The following LHFPL3 variants were observed in gnomAD, a reference collection of about 807,000 sequenced individuals.
LHFPL3 encodes LHFPL tetraspan subfamily member 3 protein.
LHFPL3 carries 5 observed loss-of-function variants against 19.3 expected under a neutral mutation model. That is an observed-to-expected ratio of 0.26 (90% confidence interval 0.14 to 0.54). The LOEUF (loss-of-function observed/expected upper bound fraction) is 0.54. Ranked by LOEUF, LHFPL3 falls within the 20% of genes least tolerant of loss-of-function variation. LHFPL3 has a pLI of 0.94. For missense variants in LHFPL3, 249 were observed against 307.4 expected, an observed-to-expected ratio of 0.81 and a Z score of 1.42; for synonymous variants, 133 against 126.2, an observed-to-expected ratio of 1.05 and a Z score of -0.36.
chr7:104,479,508 C>T (rs1303589817), intron 1 of LHFPL3, among the ~76,000 whole-genome samples: 1 of 152,092 alleles, frequency 6.6e-6, no homozygotes, highest in African/African-American at 2.4e-5. Context: ...TCTCCTGCCT[C>T]AGCCTCCTGA....
chr7:104,340,088 C>G (rs1789916385), intron 1 of LHFPL3, among the ~76,000 whole-genome samples: 1 of 152,126 alleles, frequency 6.6e-6, no homozygotes, highest in African/African-American at 2.4e-5. Context: ...TGCATCTTGA[C>G]CTGTCATCTT....
At chr7:104,484,314 C>G (rs777727927) in intron 1 of LHFPL3, among the ~76,000 whole-genome samples, 1 of 146,146 alleles carries the variant, frequency 6.8e-6, no homozygotes, top group African/African-American at 2.6e-5. Flanking sequence ...AAAGCACACT[C>G]CCTGCTACAC....
chr7:104,737,971 C>T (rs1793860775), intron 2 of LHFPL3, among the ~76,000 whole-genome samples: 1 of 151,804 alleles, frequency 6.6e-6, no homozygotes, highest in Non-Finnish European at 1.5e-5. Flanking sequence ...ATATCTAGAC[C>T]ATCACTGTTT....
chr7:104,522,377 G>A (rs1012122146), intron 1 of LHFPL3, among the ~76,000 whole-genome samples: 1 of 113,240 alleles, frequency 8.8e-6, no homozygotes, highest in Non-Finnish European at 1.8e-5. Flanking sequence ...TCACACTCTG[G>A]GGACTGTTGT....
chr7:104,789,772 AT>A (rs1789986754), intron 2 of LHFPL3, among the ~76,000 whole-genome samples: 1 of 152,172 alleles, frequency 6.6e-6, no homozygotes, highest in African/African-American at 2.4e-5. Flanking sequence ...CATTAATATT[AT>A]CAGCCCTGAG....
At chr7:104,680,767 A>AAAAC (rs1050035375) in intron 1 of LHFPL3, among the ~76,000 whole-genome samples, 5 of 152,306 alleles carry the variant, frequency 3.3e-5, no homozygotes, top group East Asian at 1.9e-4. Flanking sequence ...GAACCAGGAC[A>AAAAC]AAACAAACAA....
intron 1 of LHFPL3, among the ~76,000 whole-genome samples, chr7:104,386,534 G>A (rs144816453): frequency 5.8e-4 from 89 of 152,326 alleles, no homozygotes; most frequent in Admixed American, 1.6e-3. Flanking sequence ...AGTCACGTGT[G>A]TATTCAAGGC....
intron 1 of LHFPL3, among the ~76,000 whole-genome samples, chr7:104,416,588 C>T (rs369404897): frequency 7.9e-4 from 121 of 152,286 alleles, no homozygotes; most frequent in Middle Eastern, 3.4e-3. Context: ...GGGGGTCTGG[C>T]GTTTTCTGTT....
intron 1 of LHFPL3, among the ~76,000 whole-genome samples, chr7:104,706,533 C>A (rs1793193256): frequency 6.6e-6 from 1 of 152,210 alleles, no homozygotes; most frequent in South Asian, 2.1e-4. Flanking sequence ...TTACTCTAGG[C>A]TGAGGCAGAG....
intron 2 of LHFPL3, among the ~76,000 whole-genome samples, chr7:104,841,493 G>GTGTGTGTGTGTGTGTGTGTGT (rs372610653): frequency 1.4e-5 from 2 of 140,836 alleles, no homozygotes; most frequent in African/African-American, 2.7e-5. Context: ...CATTATGTGG[G>GTGTGTGTGTGTGTGTGTGTGT]GTGTGTGTGT....
At chr7:104,495,821 C>A (rs1793462737) in intron 1 of LHFPL3, among the ~76,000 whole-genome samples, 1 of 152,172 alleles carries the variant, frequency 6.6e-6, no homozygotes, top group African/African-American at 2.4e-5. Context: ...CCACACCTTG[C>A]CAACATCTTT....
chr7:104,806,697 C>T (rs1256182048), intron 2 of LHFPL3, among the ~76,000 whole-genome samples: 1 of 152,040 alleles, frequency 6.6e-6, no homozygotes, highest in Non-Finnish European at 1.5e-5. Context: ...TTTTTTAGTG[C>T]AAGGAAATCC....
At chr7:104,503,078 A>G (rs1793631801) in intron 1 of LHFPL3, among the ~76,000 whole-genome samples, 1 of 151,806 alleles carries the variant, frequency 6.6e-6, no homozygotes, top group African/African-American at 2.4e-5. Context: ...CAAATATTTA[A>G]TTATACAACT....
intron 2 of LHFPL3, among the ~76,000 whole-genome samples, chr7:104,755,582 C>CCACACACA (rs35584345): frequency 0.012 from 1,768 of 150,566 alleles, 20 homozygotes; most frequent in Non-Finnish European, 0.019. Flanking sequence ...CCCAACACCA[C>CCACACACA]CACACACACA....
At chr7:104,673,486 A>AGTTACTGTC (rs1792526727) in intron 1 of LHFPL3, among the ~76,000 whole-genome samples, 2 of 152,342 alleles carry the variant, frequency 1.3e-5, no homozygotes, top group East Asian at 3.9e-4. Flanking sequence ...TCTGGCTGGT[A>AGTTACTGTC]GTTACTGTCT....
chr7:104,672,953 C>T (rs1315208472), intron 1 of LHFPL3, among the ~76,000 whole-genome samples: 1 of 152,040 alleles, frequency 6.6e-6, no homozygotes, highest in East Asian at 1.9e-4. Flanking sequence ...TCTCAGATGA[C>T]TCTCTCAATA....
intron 1 of LHFPL3, among the ~76,000 whole-genome samples, chr7:104,395,638 TAA>T (rs1376630356): frequency 6.6e-6 from 1 of 152,140 alleles, no homozygotes; most frequent in Non-Finnish European, 1.5e-5. Context: ...GTGGAAGAAA[TAA>T]ATTGCCTGCC....
chr7:104,896,319 G>A (rs1584603964), intron 2 of LHFPL3, among the ~76,000 whole-genome samples: 2 of 152,258 alleles, frequency 1.3e-5, no homozygotes, highest in Non-Finnish European at 2.9e-5. Flanking sequence ...AAAAATGCCC[G>A]TTGTCTGCAG....
chr7:104,373,375 C>T (rs187526335), intron 1 of LHFPL3, among the ~76,000 whole-genome samples: 26 of 152,262 alleles, frequency 1.7e-4, no homozygotes, highest in Non-Finnish European at 2.6e-4. Context: ...ACTTAGGAAA[C>T]ATTTGGTTCA....
Sources: allele counts gnomAD v4.1 joint callset (sites outside exome capture counted in the v4.1 genomes callset), GRCh38; gene constraint gnomAD v4.1.1; transcripts MANE v1.5; gene names NCBI Gene and HGNC (gene_info 2026-07-23, HGNC 2026-07-21).